The following FRMPD4 variants were observed in gnomAD, a reference collection of about 807,000 sequenced individuals.
The protein encoded by FRMPD4 is FERM and PDZ domain-containing protein 4.
FRMPD4 carries 22 observed loss-of-function variants against 94.1 expected under a neutral mutation model. The observed-to-expected ratio is 0.23, with a 90% CI of 0.17 to 0.33. The LOEUF (loss-of-function observed/expected upper bound fraction) is 0.33, where lower values mean the gene tolerates loss of function less well. Among genes scored for constraint, FRMPD4 ranks in the 10% least tolerant of loss-of-function variants. The probability of loss-of-function intolerance (pLI) is 1.00; values close to 1 mark genes in which losing one functional copy is unlikely to be tolerated. For synonymous variants in FRMPD4, 631 were observed against 548.6 expected (o/e 1.15, Z -2.10); for missense variants, 1,111 against 1,339.9 (o/e 0.83, Z 2.67).
chrX:11,950,095 G>A (rs1015896453), intron 3 of FRMPD4, among the ~76,000 whole-genome samples: 4 of 111,162 alleles, frequency 3.6e-5, no homozygotes, highest in Non-Finnish European at 7.5e-5. Flanking sequence ...TGGATCATGG[G>A]GATGTTTTTT....
At chrX:12,036,288 G>C (rs1179585873) in intron 3 of FRMPD4, among the ~76,000 whole-genome samples, 1 of 111,981 alleles carries the variant, frequency 8.9e-6, no homozygotes, top group Non-Finnish European at 1.9e-5. Context: ...AACCAAGATT[G>C]AGAGACATTC....
chrX:11,992,993 T>A (rs189267346), intron 3 of FRMPD4, among the ~76,000 whole-genome samples: 1,385 of 110,454 alleles, frequency 0.013, 24 homozygotes, highest in African/African-American at 0.043. Context: ...CTTTGTTTTT[T>A]TTTTTTTGGT....
intron 1 of FRMPD4, among the ~76,000 whole-genome samples, chrX:12,404,222 C>T (rs926702502): frequency 8.9e-6 from 1 of 111,861 alleles, no homozygotes; most frequent in Non-Finnish European, 1.9e-5. Context: ...ATATCATTCT[C>T]ACACCTACCT....
intron 3 of FRMPD4, among the ~76,000 whole-genome samples, chrX:12,011,618 A>T (rs1179712656): frequency 8.9e-6 from 1 of 111,925 alleles, no homozygotes; most frequent in African/African-American, 3.3e-5. Flanking sequence ...GGTTTGGATG[A>T]CAGTTAAGAC....
chrX:11,920,307 A>G (rs1480494111), intron 3 of FRMPD4, among the ~76,000 whole-genome samples: 2 of 112,214 alleles, frequency 1.8e-5, no homozygotes, highest in Non-Finnish European at 3.8e-5. Context: ...AGTAAACTCC[A>G]GTCAGCTGCA....
intron 1 of FRMPD4, among the ~76,000 whole-genome samples, chrX:12,202,394 A>G (rs940639787): frequency 8.9e-6 from 1 of 111,977 alleles, no homozygotes; most frequent in African/African-American, 3.2e-5. Context: ...TACTGGTGTG[A>G]GTGGTTATGT....
intron 1 of FRMPD4, among the ~76,000 whole-genome samples, chrX:12,465,108 G>T (rs775637791): frequency 2.9e-4 from 32 of 111,515 alleles, no homozygotes; most frequent in Non-Finnish European, 5.7e-4. Context: ...ATTATGGACA[G>T]CATTTTTTTT....
At chrX:12,044,868 C>A (rs1303946982) in intron 3 of FRMPD4, among the ~76,000 whole-genome samples, 3 of 111,673 alleles carry the variant, frequency 2.7e-5, no homozygotes, top group African/African-American at 9.8e-5. Context: ...TGAAAGTATT[C>A]TTTTTAATTA....
chrX:12,527,188 G>A (rs774244779), intron 2 of FRMPD4, among the ~76,000 whole-genome samples: 1 of 111,879 alleles, frequency 8.9e-6, no homozygotes, highest in Non-Finnish European at 1.9e-5. Flanking sequence ...ATGTTTGAGT[G>A]ACTGTGGGGG....
At chrX:12,424,496 C>A (rs1030590948) in intron 1 of FRMPD4, among the ~76,000 whole-genome samples, 2 of 112,563 alleles carry the variant, frequency 1.8e-5, no homozygotes, top group Admixed American at 1.9e-4. Flanking sequence ...AAACTGAAAT[C>A]TCTAGAGCAG....
chrX:11,876,507 A>G (rs1176081226), intron 2 of FRMPD4, among the ~76,000 whole-genome samples: 4 of 111,603 alleles, frequency 3.6e-5, no homozygotes, highest in Non-Finnish European at 7.5e-5. Flanking sequence ...GTTTTCCAGA[A>G]CAAACCCTTC....
chrX:12,697,977 G>A (rs997395728), intron 9 of FRMPD4, among the ~76,000 whole-genome samples: 8 of 112,043 alleles, frequency 7.1e-5, no homozygotes, highest in Non-Finnish European at 1.3e-4. Flanking sequence ...CACAGAATGC[G>A]TGCTACCATA....
At chrX:11,915,065 G>A (rs980620746) in intron 3 of FRMPD4, among the ~76,000 whole-genome samples, 3 of 112,463 alleles carry the variant, frequency 2.7e-5, no homozygotes, top group African/African-American at 9.7e-5. Flanking sequence ...CTTTCAGGGT[G>A]TGCTTATTTT....
intron 1 of FRMPD4, among the ~76,000 whole-genome samples, chrX:12,455,302 C>CTT (rs2057321870): frequency 8.9e-6 from 1 of 111,763 alleles, no homozygotes; most frequent in South Asian, 3.8e-4. Flanking sequence ...TTCAAAGTAA[C>CTT]TTTATCCTAT....
At chrX:12,105,963 A>G (rs1352318174) in intron 3 of FRMPD4, among the ~76,000 whole-genome samples, 1 of 111,863 alleles carries the variant, frequency 8.9e-6, no homozygotes, top group Non-Finnish European at 1.9e-5. Flanking sequence ...ATTTTGTAAG[A>G]CACTTCTCTG....
intron 4 of FRMPD4, among the ~76,000 whole-genome samples, chrX:12,657,489 C>T (rs1431681595): frequency 9.0e-6 from 1 of 111,718 alleles, no homozygotes. Flanking sequence ...GTATGGAAGC[C>T]ATAGTTTTGG....
intron 1 of FRMPD4, among the ~76,000 whole-genome samples, chrX:12,458,380 C>A (rs1378742957): frequency 8.9e-6 from 1 of 111,829 alleles, no homozygotes; most frequent in Non-Finnish European, 1.9e-5. Context: ...GGACCCCCAA[C>A]TCACTGGGAT....
chrX:12,028,432 C>T (rs1477740364), intron 3 of FRMPD4, among the ~76,000 whole-genome samples: 3 of 111,327 alleles, frequency 2.7e-5, no homozygotes, highest in African/African-American at 9.8e-5. Flanking sequence ...TTATCAGCAT[C>T]TCACACTAGA....
intron 1 of FRMPD4, among the ~76,000 whole-genome samples, chrX:12,396,891 T>A (rs1356907021): frequency 8.9e-6 from 1 of 112,182 alleles, no homozygotes; most frequent in South Asian, 3.7e-4. Context: ...AATATAAACA[T>A]AATCCTTATA....
Sources: gnomAD v4.1 joint callset for allele counts (sites outside exome capture counted in the v4.1 genomes callset) on GRCh38, gnomAD v4.1.1 for gene constraint, MANE v1.5 for transcripts, NCBI Gene and HGNC (gene_info 2026-07-23, HGNC 2026-07-21) for gene names.